The following PTPRN2 variants were observed in gnomAD, a reference collection of about 807,000 sequenced individuals.
PTPRN2 encodes receptor-type tyrosine-protein phosphatase N2.
A neutral mutation model predicts 118.8 loss-of-function variants in PTPRN2; 74 were observed. The observed-to-expected ratio is 0.62, with a 90% CI of 0.52 to 0.76. The LOEUF (loss-of-function observed/expected upper bound fraction) is 0.76. Ranked by LOEUF, PTPRN2 falls within the 30% of genes least tolerant of loss-of-function variation. The pLI, the probability that PTPRN2 is intolerant of heterozygous loss-of-function variation, is 0.00. For synonymous variants in PTPRN2, 641 were observed against 608.0 expected (o/e 1.05, Z -0.80); for missense variants, 1,481 against 1,394.4 (o/e 1.06, Z -0.99).
At chr7:158,477,239 C>T (rs571003675) in intron 2 of PTPRN2, among the ~76,000 whole-genome samples, 7 of 152,176 alleles carry the variant, frequency 4.6e-5, no homozygotes, top group Non-Finnish European at 8.8e-5. Flanking sequence ...CGGTTCATTA[C>T]TAACCAATAA....
At chr7:158,313,803 G>T (rs769019383) in intron 3 of PTPRN2, among the ~76,000 whole-genome samples, 3 of 152,170 alleles carry the variant, frequency 2.0e-5, no homozygotes, top group Admixed American at 2.0e-4. Flanking sequence ...TAAATTCATG[G>T]ATATATGAGA....
intron 14 of PTPRN2, among the ~76,000 whole-genome samples, chr7:157,634,196 C>T (rs1005253140): frequency 1.3e-5 from 2 of 152,186 alleles, no homozygotes; most frequent in Admixed American, 6.5e-5. Flanking sequence ...AAACTCTTCA[C>T]CCCTCACAGA....
At chr7:158,262,615 A>C (rs1299948517) in intron 3 of PTPRN2, among the ~76,000 whole-genome samples, 2 of 147,994 alleles carry the variant, frequency 1.4e-5, no homozygotes, top group East Asian at 3.9e-4. Flanking sequence ...CACACTGCAC[A>C]CACACATACA....
intron 6 of PTPRN2, among the ~76,000 whole-genome samples, chr7:158,159,457 T>C (rs1384727842): frequency 6.6e-6 from 1 of 152,152 alleles, no homozygotes; most frequent in Admixed American, 6.5e-5. Flanking sequence ...TGGGATGAGG[T>C]TGCAATGTGA....
chr7:158,071,769 A>AGGTGCTCCTGGTGG (rs1563393422), intron 11 of PTPRN2, among the ~76,000 whole-genome samples: 1 of 44,814 alleles, frequency 2.2e-5, no homozygotes, highest in African/African-American at 1.7e-4. Flanking sequence ...GCTCGTGGTG[A>AGGTGCTCCTGGTGG]TGGAGGTGCT....
intron 6 of PTPRN2, among the ~76,000 whole-genome samples, chr7:158,139,526 A>G (rs1563495076): frequency 6.6e-6 from 1 of 152,102 alleles, no homozygotes; most frequent in Non-Finnish European, 1.5e-5. Context: ...AACACCTGAA[A>G]GAAAGCCCAC....
intron 6 of PTPRN2, among the ~76,000 whole-genome samples, chr7:158,149,651 A>G (rs531126920): frequency 2.6e-5 from 4 of 152,222 alleles, no homozygotes; most frequent in Admixed American, 1.3e-4. Flanking sequence ...TAAAAATACA[A>G]AAATGACCCA....
At chr7:158,419,892 G>A (rs1815106817) in intron 2 of PTPRN2, among the ~76,000 whole-genome samples, 1 of 152,194 alleles carries the variant, frequency 6.6e-6, no homozygotes, top group African/African-American at 2.4e-5. Context: ...AAGGCCCACT[G>A]ACACCAGTGC....
At chr7:157,875,712 C>T (rs1795718946) in intron 12 of PTPRN2, among the ~76,000 whole-genome samples, 1 of 152,150 alleles carries the variant, frequency 6.6e-6, no homozygotes, top group African/African-American at 2.4e-5. Flanking sequence ...GGGGCTGAGT[C>T]CCCAGGTCAG....
chr7:158,083,586 C>G (rs1036197930), intron 10 of PTPRN2, among the ~76,000 whole-genome samples: 1 of 152,222 alleles, frequency 6.6e-6, no homozygotes, highest in Non-Finnish European at 1.5e-5. Context: ...AGCATGTGAC[C>G]CATACATGGC....
chr7:158,001,641 C>G (rs1157095248), intron 11 of PTPRN2, among the ~76,000 whole-genome samples: 3 of 152,102 alleles, frequency 2.0e-5, no homozygotes, highest in Non-Finnish European at 1.5e-5. Flanking sequence ...GGTAAAACGG[C>G]CGAAAACCAT....
chr7:158,461,673 A>G (rs958353144), intron 2 of PTPRN2, among the ~76,000 whole-genome samples: 41 of 152,272 alleles, frequency 2.7e-4, no homozygotes, highest in African/African-American at 9.6e-4. Context: ...CCCACTGGGT[A>G]CTACACGCGA....
chr7:158,206,849 GCA>G, intron 3 of PTPRN2, among the ~76,000 whole-genome samples: 1 of 148,822 alleles, frequency 6.7e-6, no homozygotes, highest in Non-Finnish European at 1.5e-5. Flanking sequence ...GGGTACATGT[GCA>G]CATTGTACAG....
chr7:158,383,181 A>G (rs75298861), intron 2 of PTPRN2, among the ~76,000 whole-genome samples: 9,567 of 152,206 alleles, frequency 0.063, 307 homozygotes, highest in Middle Eastern at 0.12. Context: ...CAAAAGACAC[A>G]CCTCATGCAG....
intron 17 of PTPRN2, among the ~76,000 whole-genome samples, chr7:157,580,464 T>C (rs1800290207): frequency 6.7e-6 from 1 of 149,654 alleles, no homozygotes; most frequent in Non-Finnish European, 1.5e-5. Context: ...CCCCAGCACC[T>C]GCACACCGCA....
chr7:158,301,313 C>G (rs1022424162), intron 3 of PTPRN2, among the ~76,000 whole-genome samples: 1 of 152,206 alleles, frequency 6.6e-6, no homozygotes, highest in Non-Finnish European at 1.5e-5. Context: ...TCTGTGTTAA[C>G]GGCTCCTGAC....
intron 12 of PTPRN2, among the ~76,000 whole-genome samples, chr7:157,726,434 C>T (rs1170159775): frequency 1.3e-5 from 2 of 152,234 alleles, no homozygotes; most frequent in African/African-American, 4.8e-5. Context: ...TATCCACACG[C>T]AGAGGAGTGA....
At chr7:158,498,594 C>T (rs1382800190) in intron 1 of PTPRN2, among the ~76,000 whole-genome samples, 4 of 140,032 alleles carry the variant, frequency 2.9e-5, no homozygotes, top group Admixed American at 2.8e-4. Context: ...CCTCGATTTC[C>T]TGAAATGGGA....
chr7:158,584,702 G>T (rs1186744424), intron 1 of PTPRN2, among the ~76,000 whole-genome samples: 5 of 152,280 alleles, frequency 3.3e-5, no homozygotes, highest in African/African-American at 1.2e-4. Context: ...ACTACCACAG[G>T]GTGCTGCCAA....
Sources: allele counts gnomAD v4.1 joint callset (sites outside exome capture counted in the v4.1 genomes callset), GRCh38; gene constraint gnomAD v4.1.1; transcripts MANE v1.5; gene names NCBI Gene and HGNC (gene_info 2026-07-23, HGNC 2026-07-21).